GPATCH2: variants seen among roughly 807,000 people sequenced by gnomAD.
The protein encoded by GPATCH2 is G-patch domain containing 2.
Under a neutral mutation model 58.0 loss-of-function variants are expected in GPATCH2, and 51 were observed. The observed-to-expected ratio is 0.88, with a 90% CI of 0.70 to 1.11. The LOEUF (loss-of-function observed/expected upper bound fraction) is 1.11, where lower values mean the gene tolerates loss of function less well. Among genes scored for constraint, GPATCH2 ranks in the 50% most tolerant of loss-of-function variants. GPATCH2 has a pLI of 0.00. For synonymous variants in GPATCH2, 222 were observed against 218.5 expected (o/e 1.02, Z -0.14); for missense variants, 625 against 652.2 (o/e 0.96, Z 0.45).
chr1:217,569,340 A>G (rs940371747), intron 5 of GPATCH2, among the ~76,000 whole-genome samples: 1 of 152,100 alleles, frequency 6.6e-6, no homozygotes, highest in African/African-American at 2.4e-5. Flanking sequence ...TAAGTAAGCA[A>G]GCAGAGGGTG....
At chr1:217,630,062 CTTGT>C (rs1317244194) in intron 1 of GPATCH2, among the ~76,000 whole-genome samples, 1 of 152,038 alleles carries the variant, frequency 6.6e-6, no homozygotes, top group African/African-American at 2.4e-5. Flanking sequence ...TGGGAAATTG[CTTGT>C]TTGTGTCACT....
chr1:217,562,459 C>G (rs1161777204), intron 5 of GPATCH2, among the ~76,000 whole-genome samples: 1 of 152,138 alleles, frequency 6.6e-6, no homozygotes, highest in Non-Finnish European at 1.5e-5. Flanking sequence ...TCATGGAACA[C>G]AGTTGGAAAA....
At chr1:217,620,563 A>C (rs1160345373) in intron 1 of GPATCH2, 64 bp from the exon 2 acceptor site, 3 of 894,460 alleles carry the variant, frequency 3.4e-6, no homozygotes, top group Non-Finnish European at 5.2e-6. Context: ...CTCATTTTCT[A>C]TAACAGACAA....
intron 2 of GPATCH2, among the ~76,000 whole-genome samples, chr1:217,618,111 T>G (rs1341230749): frequency 6.6e-6 from 1 of 152,126 alleles, no homozygotes; most frequent in East Asian, 1.9e-4. Flanking sequence ...TAAGGTTGAA[T>G]GGTCTTAAGT....
At chr1:217,550,963 T>G (rs908686633) in intron 5 of GPATCH2, among the ~76,000 whole-genome samples, 1 of 151,936 alleles carries the variant, frequency 6.6e-6, no homozygotes, top group African/African-American at 2.4e-5. Context: ...AATCAGAGAC[T>G]TTATGAAGAA....
intron 5 of GPATCH2, among the ~76,000 whole-genome samples, chr1:217,576,840 G>A (rs1037920938): frequency 1.3e-5 from 2 of 152,176 alleles, no homozygotes; most frequent in Admixed American, 6.5e-5. Flanking sequence ...TGTTGTTAAA[G>A]TGGAATTAGA....
intron 5 of GPATCH2, among the ~76,000 whole-genome samples, chr1:217,550,680 G>C (rs1665312554): frequency 6.6e-6 from 1 of 151,714 alleles, no homozygotes; most frequent in South Asian, 2.1e-4. Context: ...AGTAAAATTT[G>C]TTTCCAAAAA....
chr1:217,522,388 T>C (rs1558454750), intron 5 of GPATCH2, among the ~76,000 whole-genome samples: 1 of 152,128 alleles, frequency 6.6e-6, no homozygotes, highest in Non-Finnish European at 1.5e-5. Flanking sequence ...AGTAAAGAAC[T>C]AAAAATTAAC....
chr1:217,496,818 G>C (rs984427724), intron 7 of GPATCH2, among the ~76,000 whole-genome samples: 1 of 152,076 alleles, frequency 6.6e-6, no homozygotes, highest in Non-Finnish European at 1.5e-5. Flanking sequence ...TTCAGTGTTT[G>C]AGTTGACTAC....
chr1:217,564,270 CCTTGCAGCT>C (rs1361080100), intron 5 of GPATCH2, among the ~76,000 whole-genome samples: 2 of 152,050 alleles, frequency 1.3e-5, no homozygotes, highest in African/African-American at 4.8e-5. Flanking sequence ...TCAGTTGTCA[CCTTGCAGCT>C]CAATTAGCCC....
intron 1 of GPATCH2, among the ~76,000 whole-genome samples, chr1:217,625,352 T>C (rs1463610709): frequency 6.6e-6 from 1 of 152,208 alleles, no homozygotes; most frequent in Non-Finnish European, 1.5e-5. Context: ...GATGCTTTAG[T>C]CCTAACTTAT....
intron 5 of GPATCH2, among the ~76,000 whole-genome samples, chr1:217,584,376 A>C (rs1203440710): frequency 7.9e-5 from 11 of 139,320 alleles, no homozygotes; most frequent in East Asian, 2.3e-4. Flanking sequence ...CACACACACA[A>C]AAATTAGCCA....
At chr1:217,550,162 C>T (rs1308560942) in intron 5 of GPATCH2, among the ~76,000 whole-genome samples, 1 of 152,096 alleles carries the variant, frequency 6.6e-6, no homozygotes, top group Non-Finnish European at 1.5e-5. Context: ...GACAAGGGTT[C>T]ACCACTTGTT....
Position 217,584,345 on chromosome 1 carries a change from ATATATATATAT to A in GPATCH2, c.1098+25965_1098+25975del, listed in dbSNP as rs1354042530. Among the ~76,000 whole-genome samples the A allele has an allele frequency of 1.3e-4, 7 of 54,782 alleles. No individual in the cohort carries two copies. In the Admixed American group the frequency reaches 1.6e-3, roughly 12 times the overall value. The allele number at this position is 54,782 out of a possible 152,430, so 35.9% of individuals were successfully genotyped here. On this transcript the variant is annotated intron_variant, in intron 5 of 9. Transcript: ENST00000366935. ...TCACCTCTACTAAAAAAAAAAAAAAATATATATATATATATATATACACACACACAAAAATT... is the reference window on the plus strand; with the variant it reads ...TCACCTCTACTAAAAAAAAAAAAAAAATATATATACACACACACAAAAATT...
intron 2 of GPATCH2, among the ~76,000 whole-genome samples, chr1:217,615,822 T>C (rs1668859260): frequency 6.6e-6 from 1 of 152,178 alleles, no homozygotes; most frequent in African/African-American, 2.4e-5. Context: ...TAGTTTTTCA[T>C]AGCTTTTCAG....
At chr1:217,516,016 T>C (rs1228870678) in intron 5 of GPATCH2, among the ~76,000 whole-genome samples, 3 of 151,916 alleles carry the variant, frequency 2.0e-5, no homozygotes, top group African/African-American at 4.8e-5. Context: ...TGCAATTTCA[T>C]CTAAGAGAAA....
At chr1:217,480,811 T>C (rs542124666) in intron 8 of GPATCH2, among the ~76,000 whole-genome samples, 1 of 152,294 alleles carries the variant, frequency 6.6e-6, no homozygotes, top group East Asian at 1.9e-4. Context: ...CCATTAAAAA[T>C]AATGGTATTC....
At chr1:217,556,399 A>ACACCAG (rs1665618714) in intron 5 of GPATCH2, among the ~76,000 whole-genome samples, 1 of 152,188 alleles carries the variant, frequency 6.6e-6, no homozygotes, top group African/African-American at 2.4e-5. Flanking sequence ...CCACTGGTGT[A>ACACCAG]TGTATCCCTA....
At position 217,621,703 on chromosome 1, in the gene GPATCH2, C is replaced by T. The variant is rs559097890; in HGVS notation, c.57-1204G>A. ...TATAGTCTCTACAATCATGTATAGT[C>T]TCCAACAGTCAATAATTTCAGGCTT... On this transcript the variant is annotated intron_variant, in intron 1 of 9. Coordinates refer to ENST00000366935, the MANE Select transcript of GPATCH2 (RefSeq NM_018040.5). 3.2e-4 allele frequency among the ~76,000 whole-genome samples: 49 copies of T among 152,298 alleles called. 1 individual carries two copies. The highest frequency in any genetic ancestry group is 1.0e-3 in the African/African-American group (42 of 41,560).
Sources: gnomAD v4.1 joint callset for allele counts (sites outside exome capture counted in the v4.1 genomes callset) on GRCh38, gnomAD v4.1.1 for gene constraint, MANE v1.5 for transcripts, NCBI Gene and HGNC (gene_info 2026-07-23, HGNC 2026-07-21) for gene names.